EPSTI1: variants seen among roughly 807,000 people sequenced by gnomAD.
The protein encoded by EPSTI1 is epithelial stromal interaction 1.
Under a neutral mutation model 49.9 loss-of-function variants are expected in EPSTI1, and 66 were observed. The ratio of observed to expected loss-of-function variants is 1.32; its 90% confidence interval spans 1.08 to 1.62. EPSTI1 has a LOEUF of 1.62. EPSTI1 is among the 40% of genes most tolerant of loss of function. EPSTI1 has a pLI of 0.00. For missense variants in EPSTI1, 394 were observed against 365.5 expected, an observed-to-expected ratio of 1.08 and a Z score of -0.64; for synonymous variants, 137 against 130.7, an observed-to-expected ratio of 1.05 and a Z score of -0.33.
At chr13:42,927,250 A>C (rs968324767) in intron 6 of EPSTI1, among the ~76,000 whole-genome samples, 1 of 152,226 alleles carries the variant, frequency 6.6e-6, no homozygotes, top group African/African-American at 2.4e-5. Context: ...CCAAGCATAG[A>C]ACACTGGAAT....
intron 8 of EPSTI1, among the ~76,000 whole-genome samples, chr13:42,912,856 A>C (rs2037726105): frequency 6.6e-6 from 1 of 152,182 alleles, no homozygotes; most frequent in Non-Finnish European, 1.5e-5. Context: ...AAGAAGTACA[A>C]GAAAACAATG....
intron 10 of EPSTI1, among the ~76,000 whole-genome samples, chr13:42,891,707 A>T (rs1355940098): frequency 6.6e-6 from 1 of 152,100 alleles, no homozygotes; most frequent in African/African-American, 2.4e-5. Flanking sequence ...TGTGTTTGTG[A>T]TGTTGAATCA....
At chr13:42,981,008 T>C (rs986597183) in intron 1 of EPSTI1, among the ~76,000 whole-genome samples, 1 of 152,166 alleles carries the variant, frequency 6.6e-6, no homozygotes, top group African/African-American at 2.4e-5. Flanking sequence ...ACTAGTACCA[T>C]AGTAAAACAA....
At chr13:42,923,925 G>A (rs1468729945) in intron 7 of EPSTI1, among the ~76,000 whole-genome samples, 1 of 152,214 alleles carries the variant, frequency 6.6e-6, no homozygotes, top group African/African-American at 2.4e-5. Flanking sequence ...ACATTAGGTA[G>A]TAAAATTAAA....
At chr13:42,905,477 A>G (rs2037473795) in intron 8 of EPSTI1, among the ~76,000 whole-genome samples, 1 of 152,194 alleles carries the variant, frequency 6.6e-6, no homozygotes, top group Non-Finnish European at 1.5e-5. Context: ...CCTTATAAGC[A>G]TATTCTTGGT....
rs148697492 is a variant in EPSTI1 at position 42,976,155 on chromosome 13, G to A, written c.189-5485C>T. 1.5e-3 allele frequency among the ~76,000 whole-genome samples: 229 copies of A among 152,304 alleles called. 3 individuals carry two copies. In the Middle Eastern group the frequency reaches 0.02, roughly 14 times the overall value. On this transcript the variant is annotated intron_variant, in intron 1 of 10. Coordinates refer to ENST00000313624, the MANE Select transcript of EPSTI1 (RefSeq NM_033255.5). ...AGAGTCAAAGACTTTATTACTGATG[G>A]CACAGTAGGCAGCATGAGCACCAGC... is the stretch of plus-strand genomic sequence containing the variant.
rs141770629 is a variant in EPSTI1 at position 42,985,500 on chromosome 13, G to A, written c.188+6478C>T. Among the ~76,000 whole-genome samples, 1,007 of 152,268 alleles carry A rather than the reference G, an allele frequency of 6.6e-3. 8 individuals carry two copies. Among genetic ancestry groups the A allele is most frequent in the African/African-American group, 0.023 (957 of 41,542 alleles). ...CTTCCCTTCATGGCCCCAGCTCCAC[G>A]TGTTTGACACAAGTGACCTCATTTT... is the stretch of plus-strand genomic sequence containing the variant. On this transcript the variant is annotated intron_variant, in intron 1 of 10. Transcript: ENST00000313624.
intron 1 of EPSTI1, among the ~76,000 whole-genome samples, chr13:42,985,716 A>G (rs1297936243): frequency 1.3e-5 from 2 of 152,230 alleles, no homozygotes; most frequent in African/African-American, 4.8e-5. Flanking sequence ...AGAAAATTGT[A>G]TAAAATTGAG....
At chr13:42,915,454 C>T (rs187835063) in intron 8 of EPSTI1, among the ~76,000 whole-genome samples, 4 of 152,238 alleles carry the variant, frequency 2.6e-5, no homozygotes, top group East Asian at 1.9e-4. Flanking sequence ...ATCACTTGAG[C>T]CTGGGAGGCG....
chr13:42,983,696 C>T (rs2040029658), intron 1 of EPSTI1, among the ~76,000 whole-genome samples: 2 of 148,022 alleles, frequency 1.4e-5, no homozygotes, highest in Non-Finnish European at 3.0e-5. Flanking sequence ...GGTTTGAATA[C>T]TGGTTCTGTC....
intron 3 of EPSTI1, among the ~76,000 whole-genome samples, chr13:42,966,912 CTT>C (rs1172655836): frequency 1.5e-5 from 1 of 66,412 alleles, no homozygotes; most frequent in Admixed American, 1.9e-4. Flanking sequence ...ACATGGGAGA[CTT>C]TTCATTTTGT....
chr13:42,970,332 C>T (rs2039734818), intron 2 of EPSTI1: 1 of 304,670 alleles, frequency 3.3e-6, no homozygotes, highest in Admixed American at 5.1e-5. Flanking sequence ...TCCCTACCCT[C>T]AAGGAGGTTT....
intron 5 of EPSTI1, among the ~76,000 whole-genome samples, chr13:42,959,387 G>A (rs974268742): frequency 6.6e-6 from 1 of 152,180 alleles, no homozygotes; most frequent in African/African-American, 2.4e-5. Flanking sequence ...TTCCCTGAAA[G>A]TTTTCAGAAA....
chr13:42,896,928 C>G (rs553863449), intron 9 of EPSTI1, among the ~76,000 whole-genome samples: 2 of 152,112 alleles, frequency 1.3e-5, no homozygotes, highest in South Asian at 4.2e-4. Context: ...GGCAAAACCT[C>G]ATCTCTACTA....
At chr13:42,972,602 G>T (rs2039793487) in intron 1 of EPSTI1, among the ~76,000 whole-genome samples, 1 of 152,182 alleles carries the variant, frequency 6.6e-6, no homozygotes, top group East Asian at 1.9e-4. Flanking sequence ...AACTCAATGT[G>T]CAAAGCATAA....
intron 8 of EPSTI1, among the ~76,000 whole-genome samples, chr13:42,914,439 T>A (rs550952873): frequency 7.9e-4 from 119 of 151,158 alleles, no homozygotes; most frequent in Middle Eastern, 3.4e-3. Context: ...AAAAAAAAAA[T>A]AAAAGCCAGA....
In EPSTI1 at chr13:42,961,245, A is replaced by G. The variant is rs533864329; in HGVS notation, c.489+2010T>C. On this transcript the variant is annotated intron_variant, in intron 5 of 10. Coordinates refer to ENST00000313624, the MANE Select transcript of EPSTI1 (RefSeq NM_033255.5). The stretch of plus-strand genomic sequence containing the variant: ...CAACATTTAATCAGGTCTAGCAGGT[A>G]GGAGCAGGAGGGGAAATTAATCTGT... Among the ~76,000 whole-genome samples, 7 of 152,316 alleles carry G rather than the reference A, an allele frequency of 4.6e-5. No homozygotes were observed. The South Asian group carries it at 1.5e-3, about 32-fold the overall frequency.
intron 7 of EPSTI1, among the ~76,000 whole-genome samples, chr13:42,921,930 C>G (rs1177511380): frequency 2.0e-5 from 3 of 151,842 alleles, no homozygotes; most frequent in African/African-American, 4.8e-5. Flanking sequence ...AAATTTGCGT[C>G]AAGAGGCATT....
chr13:42,908,955 T>C (rs1038965727), intron 8 of EPSTI1, among the ~76,000 whole-genome samples: 3 of 146,822 alleles, frequency 2.0e-5, no homozygotes, highest in African/African-American at 5.0e-5. Context: ...TAGCTGGGTG[T>C]GGTGGTGGGC....
Sources: gnomAD v4.1 joint callset for allele counts (sites outside exome capture counted in the v4.1 genomes callset) on GRCh38, gnomAD v4.1.1 for gene constraint, MANE v1.5 for transcripts, NCBI Gene and HGNC (gene_info 2026-07-23, HGNC 2026-07-21) for gene names.